Variants in LTN1 observed in about 807,000 individuals in gnomAD.
The protein encoded by LTN1 is listerin E3 ubiquitin protein ligase 1.
A neutral mutation model predicts 201.2 loss-of-function variants in LTN1; 88 were observed. The ratio of observed to expected loss-of-function variants is 0.44; its 90% CI spans 0.37 to 0.52. The LOEUF (loss-of-function observed/expected upper bound fraction) is 0.52, where lower values mean the gene tolerates loss of function less well. Ranked by LOEUF, LTN1 falls within the 20% of genes least tolerant of loss-of-function variation. The probability of loss-of-function intolerance (pLI) is 0.00; values close to 1 mark genes in which losing one functional copy is unlikely to be tolerated. For missense variants in LTN1, 1,752 were observed against 2,038.7 expected (o/e 0.86, Z 2.71); for synonymous variants, 645 against 713.5 (o/e 0.90, Z 1.53).
chr21:28,966,203 C>T (rs2084520871), intron 10 of LTN1, among the ~76,000 whole-genome samples, 167 bp downstream of exon 10: 1 of 152,218 alleles, frequency 6.6e-6, no homozygotes, highest in South Asian at 2.1e-4. Flanking sequence ...CCTGGTACTG[C>T]TGAACATCTA....
At chr21:28,943,369 A>G (rs2084312204) in intron 23 of LTN1, 33 bp from the exon 24 acceptor site, 1 of 1,265,556 alleles carries the variant, frequency 7.9e-7, no homozygotes, top group Admixed American at 1.9e-5. Flanking sequence ...TAAATATGTG[A>G]TATTAAACTG....
chr21:28,949,522 C>A (rs1217032272), intron 18 of LTN1, among the ~76,000 whole-genome samples: 2 of 152,132 alleles, frequency 1.3e-5, no homozygotes, highest in Non-Finnish European at 2.9e-5. Context: ...TCACCCTCGG[C>A]CCCAGGCAAC....
In LTN1 at chr21:28,955,615, T is replaced by C. The variant is rs148990813; in HGVS notation, c.3079+1147A>G. Among the ~76,000 whole-genome samples, 650 of 151,938 alleles carry C rather than the reference T, an allele frequency of 4.3e-3. 2 individuals carry two copies. Among genetic ancestry groups the C allele is most frequent in the African/African-American group, 0.015 (609 of 41,452 alleles). On this transcript the variant is annotated intron_variant, in intron 16 of 29. Coordinates refer to ENST00000361371, the MANE Select transcript of LTN1 (RefSeq NM_015565.3). ...AATGTGGTACATATGCACAATGGAATACTATTCAGCCATTAAAAAAAGAAT... is the reference window on the plus strand; with the variant it reads ...AATGTGGTACATATGCACAATGGAACACTATTCAGCCATTAAAAAAAGAAT...
At chr21:28,973,644 C>G (rs1601204385) in intron 6 of LTN1, among the ~76,000 whole-genome samples, 1 of 152,008 alleles carries the variant, frequency 6.6e-6, no homozygotes, top group African/African-American at 2.4e-5. Context: ...TTTTGCTTTG[C>G]TTAGAAATCA....
intron 22 of LTN1, 66 bp from the exon 23 acceptor site, chr21:28,943,970 C>G: frequency 1.3e-6 from 1 of 754,766 alleles, no homozygotes; most frequent in Non-Finnish European, 2.2e-6. Context: ...AAATGATTCA[C>G]AAACAATCAA....
In LTN1 at chr21:28,947,560, A is replaced by G; in HGVS notation, c.3391T>C (p.Cys1131Arg). Residue 1131 changes from cysteine (C) to arginine (R), a missense_variant, in exon 19 of 30, where the codon TGT (cysteine) becomes CGT (arginine). Transcript: ENST00000361371. Reference protein sequence around the residue: ...EGNLHTIQSLCPFLSKEEKKE... With the variant: ...EGNLHTIQSLRPFLSKEEKKE... Reference sequence around the variant, plus strand: ...TTTTCTTCTTTTGACAAAAATGGACATAGACTTTGAATGGTATGCAAATTG... The same window carrying G: ...TTTTCTTCTTTTGACAAAAATGGACGTAGACTTTGAATGGTATGCAAATTG... The G allele has an allele frequency of 6.3e-7, 1 of 1,594,784 alleles. No individual in the cohort carries two copies. Among genetic ancestry groups the G allele is most frequent in the Non-Finnish European group, 8.5e-7 (1 of 1,174,062 alleles).
chr21:28,941,547 C>G, intron 24 of LTN1, 141 bp from the exon 25 acceptor site: 2 of 603,680 alleles, frequency 3.3e-6, no homozygotes, highest in South Asian at 4.4e-5. Flanking sequence ...TCTATTGAGC[C>G]AATTTTAACT....
In LTN1 at chr21:28,986,996, T is replaced by C. The variant is rs2084703592; in HGVS notation, c.43-62A>G. On this transcript the variant is annotated intron_variant, in intron 1 of 29. Coordinates refer to ENST00000361371, the MANE Select transcript of LTN1 (RefSeq NM_015565.3). This position sits in a 1 kb window ranked among gnomAD's most constrained non-coding sequence, Gnocchi z 4.1. Reference sequence around the variant, plus strand: ...AGGAAGGGTTCAAAACTTAACTTTATAATTCCTTGGCTATTCCCATGGTCA... The same window carrying C: ...AGGAAGGGTTCAAAACTTAACTTTACAATTCCTTGGCTATTCCCATGGTCA... 4.5e-6 allele frequency: 5 copies of C among 1,112,398 alleles called. No individual in the cohort carries two copies. The highest frequency in any genetic ancestry group is 6.8e-6 in the Non-Finnish European group (5 of 737,578). 68.9% of individuals were successfully genotyped at this position (1,112,398 alleles called of 1,614,324 possible).
intron 7 of LTN1, 53 bp from the exon 8 acceptor site, chr21:28,970,795 T>C: frequency 7.2e-7 from 1 of 1,386,828 alleles, no homozygotes; most frequent in Non-Finnish European, 9.8e-7. Flanking sequence ...CATACTTTTC[T>C]CAATTAAAAG....
intron 25 of LTN1, 64 bp downstream of exon 25, chr21:28,941,156 A>G: frequency 9.1e-7 from 1 of 1,101,334 alleles, no homozygotes; most frequent in East Asian, 2.4e-5. Context: ...AAAGGAAGGT[A>G]TTTAGAACAG....
At position 28,941,256 on chromosome 21, in the gene LTN1, T is replaced by A; in HGVS notation, c.4446A>T (p.Lys1482Asn). The change falls in exon 25 of 30, where the codon AAA (lysine) becomes AAT (asparagine). Residue 1482 changes from lysine to asparagine, a missense_variant. Coordinates refer to ENST00000361371, the MANE Select transcript of LTN1 (RefSeq NM_015565.3). ...CYVLGYLLTW[K>N]LILTFFKAAS... ...CAGCTTTGAAGAAAGTTAGTATTAA[T>A]TTCCAAGTGAGAAGGTATCCCAGAA... is the stretch of plus-strand genomic sequence containing the variant. The A allele has an allele frequency of 6.2e-7, 1 of 1,611,516 alleles. No individual in the cohort carries two copies. The highest frequency in any genetic ancestry group is 1.7e-5 in the Admixed American group (1 of 59,318).
chr21:28,936,869 A>C (rs1471181390), intron 25 of LTN1, among the ~76,000 whole-genome samples, 172 bp from the exon 26 acceptor site: 1 of 152,218 alleles, frequency 6.6e-6, no homozygotes, highest in African/African-American at 2.4e-5. Context: ...CCTGTATTAC[A>C]ATGCACTCAC....
In LTN1 at chr21:28,932,481, G is replaced by A. The variant is rs1224794526; in HGVS notation, c.5059C>T (p.Leu1687Phe). Residue 1687 changes from leucine to phenylalanine, a missense_variant, in exon 28 of 30, where the codon CTC becomes TTC. Physicochemically the swap from Leu to Phe is conservative, Grantham distance 22. Around this residue, in one of 3 missense-constraint regions of LTN1, gnomAD observed 261 missense variants for 350.1 expected, o/e 0.75. Transcript: ENST00000361371. ...RNWMLQLSTY[L>F]THQNGSIMEG... ...AAACAGAAACTTACCTGATGGGTGA[G>A]GTAAGTGCTTAACTGCAGCATCCAG... 1 of 1,613,318 alleles carries A rather than the reference G, an allele frequency of 6.2e-7. No individual in the cohort carries two copies. The highest frequency in any genetic ancestry group is 8.5e-7 in the Non-Finnish European group (1 of 1,179,824).
chr21:28,942,016 T>TA (rs2084301154), intron 24 of LTN1, among the ~76,000 whole-genome samples: 1 of 152,210 alleles, frequency 6.6e-6, no homozygotes, highest in Non-Finnish European at 1.5e-5. Flanking sequence ...CATTTATACT[T>TA]TCAGGTGAAC....
rs1259968708 is a variant in LTN1, at chr21:28,946,149, T to C, written c.3623+3A>G. The C allele has an allele frequency of 6.3e-7, 1 of 1,575,762 alleles. No individual in the cohort carries two copies. The highest frequency in any genetic ancestry group is 1.2e-5 in the South Asian group (1 of 84,920). On this transcript the variant is annotated splice_donor_region_variant and intron_variant, in intron 20 of 29. Transcript: ENST00000361371. The stretch of plus-strand genomic sequence containing the variant: ...GAAAAACATAGTATAAAGTATCACC[T>C]ACCAACTGAAAAGAAAAATATCTTC...
rs1195710783 is a variant in LTN1 at position 28,970,549 on chromosome 21, T to C, written c.1175+3A>G. ...TTAAAAATCAAAAATTTAAATTACTTACCCAGCAACTAGAGACGTGAGGAA... is the reference window on the plus strand; with the variant it reads ...TTAAAAATCAAAAATTTAAATTACTCACCCAGCAACTAGAGACGTGAGGAA... On this transcript the variant is annotated splice_donor_region_variant and intron_variant, in intron 8 of 29. Transcript: ENST00000361371. The C allele has an allele frequency of 1.6e-5, 25 of 1,592,980 alleles. No individual in the cohort carries two copies. The highest frequency in any genetic ancestry group is 2.1e-5 in the Non-Finnish European group (25 of 1,167,028).
At chr21:28,940,308 C>A (rs56354750) in intron 25 of LTN1, among the ~76,000 whole-genome samples, 46,390 of 152,104 alleles carry the variant, frequency 0.3, 7,225 homozygotes, top group Middle Eastern at 0.34. Flanking sequence ...ATCCTTCTAA[C>A]AGAAAAACTA....
chr21:28,989,309 C>T (rs1363405538), intron 1 of LTN1, among the ~76,000 whole-genome samples: 1 of 151,960 alleles, frequency 6.6e-6, no homozygotes, highest in African/African-American at 2.4e-5. Flanking sequence ...ATCAAATTTC[C>T]AGTCTCCAAT....
intron 7 of LTN1, 24 bp from the exon 8 acceptor site, chr21:28,970,766 A>G (rs201086473): frequency 6.5e-7 from 1 of 1,544,338 alleles, no homozygotes; most frequent in Non-Finnish European, 8.9e-7. Context: ...AGATTATAGT[A>G]GTAATTAGAG....
Sources: gnomAD v4.1 joint callset for allele counts (sites outside exome capture counted in the v4.1 genomes callset) on GRCh38, gnomAD v4.1.1 for gene constraint, gnomAD v4.1.1 regional missense constraint, Gnocchi (gnomAD v3.1) non-coding constraint, MANE v1.5 for transcripts, NCBI Gene and HGNC (gene_info 2026-07-23, HGNC 2026-07-21) for gene names.